KHDRBS2: variants seen among roughly 807,000 people sequenced by gnomAD.
The protein encoded by KHDRBS2 is KH domain-containing, RNA-binding, signal transduction-associated protein 2.
KHDRBS2 carries 26 observed loss-of-function variants against 44.3 expected under a neutral mutation model. That is an observed-to-expected ratio of 0.59 (90% confidence interval 0.43 to 0.81). KHDRBS2 has a LOEUF of 0.81. Ranked by LOEUF, KHDRBS2 falls within the 40% of genes least tolerant of loss-of-function variation. The probability of loss-of-function intolerance (pLI) is 0.00; values close to 1 mark genes in which losing one functional copy is unlikely to be tolerated. For synonymous variants in KHDRBS2, 194 were observed against 151.1 expected, an observed-to-expected ratio of 1.28 and a Z score of -2.08; for missense variants, 476 against 433.1, an observed-to-expected ratio of 1.10 and a Z score of -0.88.
chr6:62,152,335 A>G (rs1051657768), intron 2 of KHDRBS2, among the ~76,000 whole-genome samples: 3 of 152,140 alleles, frequency 2.0e-5, no homozygotes, highest in Admixed American at 1.3e-4. Flanking sequence ...AAAACAAAAA[A>G]CAAACAAAAA....
chr6:62,103,257 C>A lies in KHDRBS2; in HGVS notation c.220-55263G>T, dbSNP rs190588838. ...TGTCCCCTCCCACCTAGAAACCTGT[C>A]TGCCTCTTGCTGAGATCAACATGTA... On this transcript the variant is annotated intron_variant, in intron 2 of 8. Coordinates refer to ENST00000281156, the MANE Select transcript of KHDRBS2 (RefSeq NM_152688.4). 1.8e-3 allele frequency among the ~76,000 whole-genome samples: 275 copies of A among 152,244 alleles called. 10 individuals carry two copies. The South Asian group carries it at 0.052, about 29-fold the overall frequency.
chr6:61,821,143 T>C (rs1280945512), intron 6 of KHDRBS2, among the ~76,000 whole-genome samples: 2 of 151,998 alleles, frequency 1.3e-5, no homozygotes, highest in Admixed American at 6.6e-5. Context: ...ATTAAACAAC[T>C]GCACCCCTCA....
intron 6 of KHDRBS2, among the ~76,000 whole-genome samples, chr6:61,892,995 C>T (rs1404312441): frequency 6.6e-6 from 1 of 152,088 alleles, no homozygotes; most frequent in Non-Finnish European, 1.5e-5. Flanking sequence ...ATTTTCACAA[C>T]CTACTCATCT....
intron 6 of KHDRBS2, among the ~76,000 whole-genome samples, chr6:61,805,374 A>G (rs903150413): frequency 2.0e-5 from 3 of 152,190 alleles, no homozygotes; most frequent in African/African-American, 7.2e-5. Flanking sequence ...CCATTCAATA[A>G]GTCACCAGGA....
the KHDRBS2 span, among the ~76,000 whole-genome samples, chr6:61,589,739 A>G: frequency 2.6e-5 from 4 of 152,298 alleles, no homozygotes; most frequent in South Asian, 4.1e-4. Context: ...TAATAGAGGA[A>G]GAGAAATTCA....
In KHDRBS2 at chr6:61,814,478, G is replaced by A. The variant is rs548741899; in HGVS notation, c.810+80157C>T. Among the ~76,000 whole-genome samples, 11 of 151,112 alleles carry A rather than the reference G, an allele frequency of 7.3e-5. No individual in the cohort carries two copies. The South Asian group carries it at 1.3e-3, about 17-fold the overall frequency. On this transcript the variant is annotated intron_variant, in intron 6 of 8. Coordinates refer to ENST00000281156, the MANE Select transcript of KHDRBS2 (RefSeq NM_152688.4). Reference sequence around the variant, plus strand: ...AAAAATAAGCTTGGTGTGGTGCTGCGTGCCTGTAATCCCAGCTACTTGGGA... The same window carrying A: ...AAAAATAAGCTTGGTGTGGTGCTGCATGCCTGTAATCCCAGCTACTTGGGA...
chr6:61,577,368 A>C, the KHDRBS2 span, among the ~76,000 whole-genome samples: 93,529 of 151,816 alleles, frequency 0.62, 29,029 homozygotes, highest in Non-Finnish European at 0.65. Flanking sequence ...CTGGAGGAGG[A>C]AACACAGATT....
intron 6 of KHDRBS2, among the ~76,000 whole-genome samples, chr6:61,777,031 C>T (rs533829373): frequency 8.0e-4 from 121 of 152,000 alleles, no homozygotes; most frequent in Non-Finnish European, 1.5e-3. Flanking sequence ...AGCAAACTAT[C>T]ACAAGGACAA....
At chr6:62,102,278 A>T (rs1355685767) in intron 2 of KHDRBS2, among the ~76,000 whole-genome samples, 1 of 152,174 alleles carries the variant, frequency 6.6e-6, no homozygotes, top group Non-Finnish European at 1.5e-5. Context: ...TCACATTGCT[A>T]TGAAGAAATA....
At chr6:61,674,794 T>A in the KHDRBS2 span, among the ~76,000 whole-genome samples, 1 of 151,744 alleles carries the variant, frequency 6.6e-6, no homozygotes, top group African/African-American at 2.4e-5. Flanking sequence ...AAATTACTGA[T>A]CACTTTTCTC....
At chr6:61,683,818 T>C (rs1766549983) in intron 8 of KHDRBS2, among the ~76,000 whole-genome samples, 1 of 151,886 alleles carries the variant, frequency 6.6e-6, no homozygotes, top group Non-Finnish European at 1.5e-5. Context: ...TTCTCCTTGC[T>C]CAAGGCTAGG....
At chr6:61,545,092 TAA>T in the KHDRBS2 span, among the ~76,000 whole-genome samples, 1 of 152,084 alleles carries the variant, frequency 6.6e-6, no homozygotes. Context: ...AAAAAAATTT[TAA>T]AAAAATTTGA....
chr6:61,916,828 A>T (rs1435445490), intron 4 of KHDRBS2, among the ~76,000 whole-genome samples: 2 of 151,952 alleles, frequency 1.3e-5, no homozygotes, highest in South Asian at 2.1e-4. Context: ...GTATGAAAAG[A>T]TGCTCAAAAT....
At chr6:62,057,434 G>C (rs1452733284) in intron 2 of KHDRBS2, among the ~76,000 whole-genome samples, 2 of 151,934 alleles carry the variant, frequency 1.3e-5, no homozygotes, top group Non-Finnish European at 2.9e-5. Context: ...AAGATAAACT[G>C]AAACTAGTCA....
At chr6:61,848,511 G>GTATATATATACATA (rs1178845054) in intron 6 of KHDRBS2, among the ~76,000 whole-genome samples, 699 of 29,942 alleles carry the variant, frequency 0.023, 106 homozygotes, top group South Asian at 0.041. Flanking sequence ...ATATATATAT[G>GTATATATATACATA]TATATATGTA....
chr6:62,083,126 G>A (rs575521462), intron 2 of KHDRBS2, among the ~76,000 whole-genome samples: 2 of 152,200 alleles, frequency 1.3e-5, no homozygotes, highest in South Asian at 2.1e-4. Context: ...ACCCTGGCCT[G>A]CCCTGCCCCC....
At chr6:62,012,400 C>T (rs1169141022) in intron 3 of KHDRBS2, among the ~76,000 whole-genome samples, 1 of 152,144 alleles carries the variant, frequency 6.6e-6, no homozygotes, top group Non-Finnish European at 1.5e-5. Flanking sequence ...TCTTACTCAT[C>T]CACAATCCTT....
intron 1 of KHDRBS2, among the ~76,000 whole-genome samples, chr6:62,220,094 T>C (rs1189554455): frequency 6.6e-6 from 1 of 151,490 alleles, no homozygotes; most frequent in Non-Finnish European, 1.5e-5. Context: ...CTGACATAAT[T>C]TCTCAGTAAC....
intron 3 of KHDRBS2, among the ~76,000 whole-genome samples, chr6:62,007,570 A>T (rs1779492256): frequency 6.6e-6 from 1 of 152,120 alleles, no homozygotes; most frequent in African/African-American, 2.4e-5. Flanking sequence ...ATTGTGTCTT[A>T]AAAAAGTAAG....
Sources: gnomAD v4.1 joint callset for allele counts (sites outside exome capture counted in the v4.1 genomes callset) on GRCh38, gnomAD v4.1.1 for gene constraint, MANE v1.5 for transcripts, NCBI Gene and HGNC (gene_info 2026-07-23, HGNC 2026-07-21) for gene names.